SEL1L: variants seen among roughly 807,000 people sequenced by gnomAD.
SEL1L encodes protein sel-1 homolog 1.
Under a neutral mutation model 109.8 loss-of-function variants are expected in SEL1L, and 52 were observed. That is an observed-to-expected ratio of 0.47 (90% CI 0.38 to 0.60). SEL1L has a LOEUF of 0.60. Among genes scored for constraint, SEL1L ranks in the 20% least tolerant of loss-of-function variants. The probability of loss-of-function intolerance (pLI) is 0.00; values close to 1 mark genes in which losing one functional copy is unlikely to be tolerated. For missense variants in SEL1L, 749 were observed against 962.2 expected, an observed-to-expected ratio of 0.78 and a Z score of 2.93; for synonymous variants, 373 against 339.6, an observed-to-expected ratio of 1.10 and a Z score of -1.08.
chr14:81,477,034 G>A lies in SEL1L; in HGVS notation c.2323C>T (p.Pro775Ser). The change falls in exon 21 of 21, where the codon CCA becomes TCA. Residue 775 changes from proline to serine, a missense_variant. Transcript: ENST00000336735. ...TGGGGTGGAGCTGGCCGTGGCCCTG[G>A]AGGCCTGGGTGCAGGCATGTCTTGG... ...QHQDMPAPRP[P>S]GPRPAPPQQE... is the part of the protein sequence containing the mutation. 3.1e-6 allele frequency: 5 copies of A among 1,614,190 alleles called. No homozygotes were observed. The highest frequency in any genetic ancestry group is 4.2e-6 in the Non-Finnish European group (5 of 1,180,044).
chr14:81,507,047 G>C (rs1029380121), intron 3 of SEL1L, among the ~76,000 whole-genome samples: 1 of 152,286 alleles, frequency 6.6e-6, no homozygotes, highest in South Asian at 2.1e-4. Context: ...TCATGGGTGG[G>C]GTGGGTAGGA....
chr14:81,495,532 G>A (rs1883711267), intron 10 of SEL1L, among the ~76,000 whole-genome samples: 2 of 152,170 alleles, frequency 1.3e-5, no homozygotes, highest in Admixed American at 1.3e-4. Context: ...TGCTACTTGA[G>A]AGGCTGAGGT....
chr14:81,531,562 CTTT>C (rs796815898), intron 1 of SEL1L, among the ~76,000 whole-genome samples: 1 of 148,904 alleles, frequency 6.7e-6, no homozygotes, highest in African/African-American at 2.5e-5. Flanking sequence ...GTTTTTTTTT[CTTT>C]TTTTTTGAGA....
At position 81,517,092 on chromosome 14, in the gene SEL1L, G is replaced by C. The variant is rs541183039; in HGVS notation, c.340+9641C>G. ...ATGGTGAAAGCGTTAAGAAGAGGAA[G>C]GCTAAAGGGCAGAATATGATGAATC... On this transcript the variant is annotated intron_variant, in intron 3 of 20. Coordinates refer to ENST00000336735, the MANE Select transcript of SEL1L (RefSeq NM_005065.6). Among the ~76,000 whole-genome samples the C allele has an allele frequency of 2.0e-5, 3 of 152,266 alleles. No homozygotes were observed. In the East Asian group the frequency reaches 5.8e-4, roughly 29 times the overall value.
intron 3 of SEL1L, among the ~76,000 whole-genome samples, chr14:81,513,481 A>C (rs1884571227): frequency 6.6e-6 from 1 of 152,130 alleles, no homozygotes; most frequent in African/African-American, 2.4e-5. Flanking sequence ...TAAGAACTGT[A>C]ACACTCACCG....
intron 18 of SEL1L, among the ~76,000 whole-genome samples, chr14:81,485,453 T>G (rs1228623919): frequency 3.4e-5 from 5 of 148,036 alleles, no homozygotes; most frequent in Non-Finnish European, 6.0e-5. Context: ...TTTTTTTTGT[T>G]TTTTTTTTTT....
intron 3 of SEL1L, among the ~76,000 whole-genome samples, chr14:81,515,504 C>T (rs929216263): frequency 1.3e-5 from 2 of 152,162 alleles, no homozygotes; most frequent in African/African-American, 2.4e-5. Flanking sequence ...GTCAGCAAGC[C>T]GTCCCCAGTA....
rs1903028403 is a variant in SEL1L at position 81,472,091 on chromosome 14, A to G, written c.*4881T>C. 6.6e-6 allele frequency: 1 copy of G among 152,498 alleles called. No homozygotes were observed. The highest frequency in any genetic ancestry group is 2.4e-5 in the African/African-American group (1 of 41,460). 9.4% of individuals were successfully genotyped at this position (152,498 alleles called of 1,614,324 possible). A position where few individuals can be genotyped will look rare whatever the true frequency, so the allele number is the denominator to read the frequency against. On this transcript the variant is annotated 3_prime_UTR_variant, in exon 21 of 21. Transcript: ENST00000336735. ...AACTAGCATCATAAAGGAAGTTAGG[A>G]AAGAGGCTGTAGCTCATCAAGTTGC...
intron 1 of SEL1L, 117 bp from the exon 2 acceptor site, chr14:81,527,855 T>C (rs952398591): frequency 3.1e-6 from 2 of 643,280 alleles, no homozygotes; most frequent in South Asian, 2.4e-5. Flanking sequence ...TAAATAAACA[T>C]AGAATTATTT....
In SEL1L at chr14:81,524,653, C is replaced by T. The variant is rs145989795; in HGVS notation, c.340+2080G>A. Among the ~76,000 whole-genome samples the T allele has an allele frequency of 9.6e-3, 1,466 of 152,332 alleles. 34 individuals are homozygous for T. Among genetic ancestry groups the T allele is most frequent in the African/African-American group, 0.034 (1,408 of 41,568 alleles). On this transcript the variant is annotated intron_variant, in intron 3 of 20. Coordinates refer to ENST00000336735, the MANE Select transcript of SEL1L (RefSeq NM_005065.6). ...GTGGGAGGCCAAGGTGGGCAGATCA[C>T]TTAAGGTCAGGAGTTCGAGACCAGC...
intron 10 of SEL1L, among the ~76,000 whole-genome samples, chr14:81,496,789 TA>T (rs1339986957): frequency 1.3e-5 from 2 of 152,140 alleles, no homozygotes; most frequent in Non-Finnish European, 2.9e-5. Flanking sequence ...AAAATAAATG[TA>T]AATTAATATG....
At position 81,485,688 on chromosome 14, in the gene SEL1L, G is replaced by C; in HGVS notation, c.1857C>G (p.Asn619Lys). The C allele has an allele frequency of 6.2e-7, 1 of 1,613,966 alleles. No homozygotes were observed. Among genetic ancestry groups the C allele is most frequent in the Non-Finnish European group, 8.5e-7 (1 of 1,179,896 alleles). Residue 619 changes from asparagine to lysine, a missense_variant, in exon 18 of 21, where the codon AAC (asparagine) becomes AAG (lysine). This residue lies in a region of SEL1L where 383 missense variants were observed against 562.5 expected (regional missense o/e 0.68). Transcript: ENST00000336735. The part of the protein sequence containing the change: ...ETYPRALLHW[N>K]RAASQGYTVA... The stretch of plus-strand genomic sequence containing the variant: ...ATCACTTACCTTGAGAGGCGGCCCT[G>C]TTCCAATGTAGCAAAGCTCTGGGAT...
rs1439479674 is a variant in SEL1L at position 81,484,375 on chromosome 14, C to A, written c.1896G>T (p.Lys632Asn). The part of the protein sequence containing the change: ...ASQGYTVARI[K>N]LGDYHFYGFG... Reference sequence around the variant, plus strand: ...ACCCATAGAAATGGTAGTCTCCGAGCTTAATTCTAGCCACAGTATAGCCTT... The same window carrying A: ...ACCCATAGAAATGGTAGTCTCCGAGATTAATTCTAGCCACAGTATAGCCTT... The change falls in exon 19 of 21, where the codon AAG becomes AAT. Residue 632 changes from lysine (K) to asparagine (N), a missense_variant. This residue lies in a region of SEL1L where 383 missense variants were observed against 562.5 expected (regional missense o/e 0.68). Coordinates refer to ENST00000336735, the MANE Select transcript of SEL1L (RefSeq NM_005065.6). The A allele has an allele frequency of 6.2e-7, 1 of 1,613,868 alleles. No homozygotes were observed. The highest frequency in any genetic ancestry group is 1.7e-5 in the Admixed American group (1 of 60,022).
At chr14:81,492,904 CTAA>C (rs1395797883) in intron 11 of SEL1L, among the ~76,000 whole-genome samples, 2 of 152,144 alleles carry the variant, frequency 1.3e-5, no homozygotes, top group African/African-American at 4.8e-5. Context: ...GTCTATTTCT[CTAA>C]TGATAACCTG....
chr14:81,490,896 A>G (rs537861802), intron 12 of SEL1L, among the ~76,000 whole-genome samples: 135 of 152,358 alleles, frequency 8.9e-4, no homozygotes, highest in African/African-American at 2.6e-3. Context: ...GCAAGACCTC[A>G]TATCAAAACA....
intron 19 of SEL1L, among the ~76,000 whole-genome samples, chr14:81,481,320 A>T (rs892696031): frequency 6.6e-6 from 1 of 151,768 alleles, no homozygotes; most frequent in Non-Finnish European, 1.5e-5. Context: ...ACCAAAAATG[A>T]CTCCCCCTCC....
intron 3 of SEL1L, among the ~76,000 whole-genome samples, chr14:81,510,326 T>A (rs747046252): frequency 7.2e-5 from 11 of 152,056 alleles, no homozygotes; most frequent in Non-Finnish European, 1.2e-4. Context: ...AATTATGCTA[T>A]AAAGGGGAGT....
chr14:81,530,808 G>T (rs187034422), intron 1 of SEL1L, among the ~76,000 whole-genome samples: 119 of 152,246 alleles, frequency 7.8e-4, no homozygotes, highest in Non-Finnish European at 5.1e-4. Context: ...AAACCTAAAT[G>T]GGATAGCCTT....
chr14:81,528,034 T>G (rs1248083963), intron 1 of SEL1L, among the ~76,000 whole-genome samples: 1 of 152,176 alleles, frequency 6.6e-6, no homozygotes, highest in Non-Finnish European at 1.5e-5. Context: ...TTTCTTCACA[T>G]TCCATCCAAT....
Sources: gnomAD v4.1 joint callset for allele counts (sites outside exome capture counted in the v4.1 genomes callset) on GRCh38, gnomAD v4.1.1 for gene constraint, gnomAD v4.1.1 regional missense constraint, MANE v1.5 for transcripts, NCBI Gene and HGNC (gene_info 2026-07-23, HGNC 2026-07-21) for gene names.